AGMO: variants seen among roughly 807,000 people sequenced by gnomAD.
AGMO encodes glyceryl-ether monooxygenase.
In AGMO, 75 loss-of-function variants were observed where a neutral mutation model predicts 60.2. That is an observed-to-expected ratio of 1.25 (90% CI 1.03 to 1.51). AGMO has a LOEUF of 1.51. AGMO is among the 40% of genes most tolerant of loss of function. The probability of loss-of-function intolerance (pLI) is 0.00; values close to 1 mark genes in which losing one functional copy is unlikely to be tolerated. For synonymous variants in AGMO, 261 were observed against 177.1 expected (o/e 1.47, Z -3.76); for missense variants, 763 against 525.5 (o/e 1.45, Z -4.42).
chr7:15,405,341 A>G (rs1330732866), intron 5 of AGMO, among the ~76,000 whole-genome samples: 1 of 151,904 alleles, frequency 6.6e-6, no homozygotes, highest in Non-Finnish European at 1.5e-5. Flanking sequence ...AATACAACAT[A>G]GTTATTATCC....
In AGMO at chr7:15,218,127, TA is replaced by T. The variant is rs552371060; in HGVS notation, c.1264-16769del. The stretch of plus-strand genomic sequence containing the variant: ...CCAAACAATTAAATGCTGTAGATGA[TA>T]AAAATGAAAATGAAGTTTCATATTC... On this transcript the variant is annotated intron_variant, in intron 12 of 12. Transcript: ENST00000342526. Among the ~76,000 whole-genome samples the T allele has an allele frequency of 1.0e-3, 155 of 152,192 alleles. 2 individuals carry two copies. Among genetic ancestry groups the T allele is most frequent in the African/African-American group, 3.5e-3 (147 of 41,564 alleles).
At chr7:15,232,456 T>C (rs1233334638) in intron 12 of AGMO, among the ~76,000 whole-genome samples, 1 of 152,192 alleles carries the variant, frequency 6.6e-6, no homozygotes, top group African/African-American at 2.4e-5. Flanking sequence ...CTTAATCTTA[T>C]ATCAATATAT....
intron 10 of AGMO, among the ~76,000 whole-genome samples, chr7:15,368,737 C>G (rs1258540584): frequency 2.0e-5 from 3 of 152,080 alleles, no homozygotes; most frequent in East Asian, 3.9e-4. Flanking sequence ...AATAGAAGTT[C>G]TAATTAGCTC....
chr7:15,440,834 G>A (rs1781534908), intron 3 of AGMO, among the ~76,000 whole-genome samples: 2 of 152,128 alleles, frequency 1.3e-5, no homozygotes, highest in African/African-American at 4.8e-5. Flanking sequence ...TATATTTAAG[G>A]TTAATGGAAA....
the AGMO span, among the ~76,000 whole-genome samples, chr7:15,188,929 A>C: frequency 6.6e-6 from 1 of 152,294 alleles, no homozygotes; most frequent in South Asian, 2.1e-4. Flanking sequence ...CCAAGAGAGA[A>C]TCGGAGGAGA....
At chr7:15,339,723 A>T (rs774804686) in intron 12 of AGMO, among the ~76,000 whole-genome samples, 1 of 152,180 alleles carries the variant, frequency 6.6e-6, no homozygotes, top group Admixed American at 6.5e-5. Context: ...ATATCCCTTT[A>T]TCCTTAAAGA....
intron 4 of AGMO, among the ~76,000 whole-genome samples, chr7:15,428,592 T>TCCAGCAATG: frequency 6.6e-6 from 1 of 152,228 alleles, no homozygotes; most frequent in Admixed American, 6.6e-5. Flanking sequence ...GGACTCAAGC[T>TCCAGCAATG]CCAACTTGGC....
chr7:15,149,705 G>A, the AGMO span, among the ~76,000 whole-genome samples: 73 of 152,122 alleles, frequency 4.8e-4, no homozygotes, highest in African/African-American at 1.6e-3. Context: ...ATGCTGTTTT[G>A]GTTATTACAG....
intron 5 of AGMO, among the ~76,000 whole-genome samples, chr7:15,397,939 CTATTTGTT>C (rs952363752): frequency 2.0e-5 from 3 of 152,168 alleles, no homozygotes; most frequent in African/African-American, 7.2e-5. Flanking sequence ...TGGTGAAAAA[CTATTTGTT>C]AAGAAAAATG....
chr7:15,309,990 GA>G (rs899149320), intron 12 of AGMO, among the ~76,000 whole-genome samples: 3 of 152,000 alleles, frequency 2.0e-5, no homozygotes, highest in Non-Finnish European at 4.4e-5. Context: ...ATTTTATGAT[GA>G]AAAAATATAT....
chr7:15,530,793 C>T (rs1198620905), intron 3 of AGMO, among the ~76,000 whole-genome samples: 1 of 111,204 alleles, frequency 9.0e-6, no homozygotes, highest in African/African-American at 4.1e-5. Context: ...TCTATATATA[C>T]ATTTCTCTAT....
At chr7:15,199,307 C>G (rs1279955836), downstream of AGMO, among the ~76,000 whole-genome samples, 1 of 151,844 alleles carries the variant, frequency 6.6e-6, no homozygotes, top group East Asian at 1.9e-4. Context: ...TGAGGTAAAC[C>G]CAAGAGAGAA....
At chr7:15,130,161 T>C in the AGMO span, among the ~76,000 whole-genome samples, 85 of 152,122 alleles carry the variant, frequency 5.6e-4, no homozygotes, top group African/African-American at 2.0e-3. Context: ...TATTTAAAAT[T>C]GCTCTCTGTC....
chr7:15,354,438 ATACACAC>A (rs1782414462), intron 12 of AGMO, among the ~76,000 whole-genome samples: 1 of 19,826 alleles, frequency 5.0e-5, no homozygotes, highest in African/African-American at 5.1e-4. Flanking sequence ...ACGTGTGTGT[ATACACAC>A]GTGTGTGTAT....
chr7:15,377,347 T>G (rs916076959), intron 10 of AGMO, among the ~76,000 whole-genome samples: 1 of 152,012 alleles, frequency 6.6e-6, no homozygotes, highest in Admixed American at 6.6e-5. Flanking sequence ...CACTTGATAT[T>G]TCTCTTCGTC....
intron 12 of AGMO, among the ~76,000 whole-genome samples, chr7:15,236,934 T>G (rs535767513): frequency 6.6e-6 from 1 of 151,720 alleles, no homozygotes; most frequent in South Asian, 2.1e-4. Context: ...AAAGTGTTGG[T>G]AAAACAAAAG....
At chr7:15,280,735 A>T (rs904205276) in intron 12 of AGMO, among the ~76,000 whole-genome samples, 4 of 152,090 alleles carry the variant, frequency 2.6e-5, no homozygotes, top group Non-Finnish European at 4.4e-5. Flanking sequence ...GAAGAAGAAA[A>T]CTTGTATGTG....
At chr7:15,502,625 T>G (rs1783415872) in intron 3 of AGMO, among the ~76,000 whole-genome samples, 1 of 151,858 alleles carries the variant, frequency 6.6e-6, no homozygotes, top group East Asian at 1.9e-4. Flanking sequence ...TAAATTAGTC[T>G]AAGCAATAAA....
In AGMO at chr7:15,384,233, A is replaced by G. The variant is rs545893375; in HGVS notation, c.1074+1213T>C. Among the ~76,000 whole-genome samples the G allele has an allele frequency of 8.5e-5, 13 of 152,252 alleles. No individual in the cohort carries two copies. The East Asian group carries it at 1.2e-3, about 14-fold the overall frequency. On this transcript the variant is annotated intron_variant, in intron 10 of 12. Transcript: ENST00000342526. ...ATTACAGGCATGAGCCACCACGCCC[A>G]GCCTCAATTTAGTCCATCTTTTAAT... is the stretch of plus-strand genomic sequence containing the variant.
Sources: gnomAD v4.1 joint callset for allele counts (sites outside exome capture counted in the v4.1 genomes callset) on GRCh38, gnomAD v4.1.1 for gene constraint, MANE v1.5 for transcripts, NCBI Gene and HGNC (gene_info 2026-07-23, HGNC 2026-07-21) for gene names.